The following GALNT15 variants were observed in gnomAD, a reference collection of about 807,000 sequenced individuals.
The protein encoded by GALNT15 is UDP-GalNAc transferase T15.
In GALNT15, 67 loss-of-function variants were observed where a neutral mutation model predicts 66.8. The observed-to-expected ratio is 1.00, with a 90% confidence interval of 0.82 to 1.23. The LOEUF is 1.23. GALNT15 is among the 50% of genes most tolerant of loss of function. GALNT15 has a pLI of 0.00. For missense variants in GALNT15, 827 were observed against 804.3 expected (o/e 1.03, Z -0.34); for synonymous variants, 313 against 311.5 (o/e 1.00, Z -0.05).
Position 16,200,813 on chromosome 3 carries a change from G to A in GALNT15, c.901G>A (p.Ala301Thr), listed in dbSNP as rs776794357. 8.1e-6 allele frequency: 13 copies of A among 1,605,170 alleles called. No individual in the cohort carries two copies. Among genetic ancestry groups the A allele is most frequent in the Non-Finnish European group, 1.0e-5 (12 of 1,176,508 alleles). The part of the protein sequence containing the change: ...GWLEPLLSRI[A>T]GDRSRVVSPV... ...GCTGGAGCCCCTCCTCAGCAGAATA[G>A]CTGGTGACAGGTAACTTATTCCCTG... is the stretch of plus-strand genomic sequence containing the variant. Residue 301 changes from alanine to threonine, a missense_variant, in exon 3 of 10, where the codon GCT becomes ACT. By Grantham distance (58) the Ala-to-Thr change is moderately conservative. Coordinates refer to ENST00000339732, the MANE Select transcript of GALNT15 (RefSeq NM_054110.5). The surrounding 1 kb of genome is among the most constrained non-coding windows in gnomAD (Gnocchi z 4.4).
chr3:16,240,389 C>T, the GALNT15 span, among the ~76,000 whole-genome samples: 2 of 152,186 alleles, frequency 1.3e-5, no homozygotes, highest in Admixed American at 6.5e-5. Flanking sequence ...ACTCATGAAT[C>T]AGAAAATTGC....
chr3:16,178,558 C>T (rs1019566455), intron 1 of GALNT15, among the ~76,000 whole-genome samples: 2 of 152,192 alleles, frequency 1.3e-5, no homozygotes, highest in African/African-American at 2.4e-5. Context: ...GCAGCCCAGG[C>T]CTTGGCTGCA....
downstream of GALNT15, chr3:16,232,115 A>C (rs1575004771): frequency 1.7e-6 from 1 of 593,870 alleles, no homozygotes. Flanking sequence ...AAATTCTCCA[A>C]CCCAAACCAT....
rs1404410545 is a variant in GALNT15, at chr3:16,176,079, T to G, written c.539+389T>G. ...TATTTCTATAACACAGAAGGGAGGT[T>G]AGAGCAGACATTTGCCAGTTCTAAC... On this transcript the variant is annotated intron_variant, in intron 1 of 9. Transcript: ENST00000339732. This position sits in a 1 kb window ranked among gnomAD's most constrained non-coding sequence, Gnocchi z 5.6. 6.8e-6 allele frequency among the ~76,000 whole-genome samples: 1 copy of G among 147,872 alleles called. No individual in the cohort carries two copies. Among genetic ancestry groups the G allele is most frequent in the Non-Finnish European group, 1.5e-5 (1 of 68,016 alleles).
At chr3:16,190,637 C>CAAAAAA (rs34205852) in intron 1 of GALNT15, among the ~76,000 whole-genome samples, 3 of 98,644 alleles carry the variant, frequency 3.0e-5, no homozygotes, top group Admixed American at 1.1e-4. Flanking sequence ...GACTCCGTAT[C>CAAAAAA]AAAAAAAAAA....
downstream of GALNT15, among the ~76,000 whole-genome samples, chr3:16,234,135 A>G (rs527970257): frequency 1.1e-4 from 17 of 152,312 alleles, no homozygotes; most frequent in African/African-American, 3.8e-4. Context: ...CTTAATCCTT[A>G]AGTCCTGCAG....
At chr3:16,247,721 T>G in the GALNT15 span, among the ~76,000 whole-genome samples, 2 of 152,258 alleles carry the variant, frequency 1.3e-5, no homozygotes. Context: ...TTTGTCTTCC[T>G]GTACTGGGAA....
Position 16,229,457 on chromosome 3 carries a change from T to G in GALNT15, c.*1957T>G, listed in dbSNP as rs1310913445. 1.9e-5 allele frequency: 19 copies of G among 976,666 alleles called. No individual in the cohort carries two copies. The highest frequency in any genetic ancestry group is 2.3e-5 in the Non-Finnish European group (19 of 822,090). 60.5% of individuals were successfully genotyped at this position (976,666 alleles called of 1,614,324 possible). On this transcript the variant is annotated 3_prime_UTR_variant, in exon 10 of 10. Transcript: ENST00000339732. Reference sequence around the variant, plus strand: ...ATGGATATAGAACATTTCATCACAGTTCTGTTGGACCAATCTAGATAGATT... The same window carrying G: ...ATGGATATAGAACATTTCATCACAGGTCTGTTGGACCAATCTAGATAGATT...
At chr3:16,245,697 G>A in the GALNT15 span, among the ~76,000 whole-genome samples, 2 of 152,338 alleles carry the variant, frequency 1.3e-5, no homozygotes, top group Middle Eastern at 3.4e-3. Flanking sequence ...CCAATCCATG[G>A]GAAGGGCAGG....
rs953147683 is a variant in GALNT15 at position 16,211,048 on chromosome 3, G to C, written c.1080-76G>C. On this transcript the variant is annotated intron_variant, in intron 4 of 9. Transcript: ENST00000339732. This position sits in a 1 kb window ranked among gnomAD's most constrained non-coding sequence, Gnocchi z 4.3. ...CTCAGCCACTGGAGCTCCCACCTGGGAAGCCCCAGCCCCCAGCCTCGCCTG... is the reference window on the plus strand; with the variant it reads ...CTCAGCCACTGGAGCTCCCACCTGGCAAGCCCCAGCCCCCAGCCTCGCCTG... 2.8e-6 allele frequency: 3 copies of C among 1,063,192 alleles called. No homozygotes were observed. The highest frequency in any genetic ancestry group is 1.8e-5 in the Admixed American group (1 of 54,452). 65.9% of individuals were successfully genotyped at this position (1,063,192 alleles called of 1,614,324 possible).
chr3:16,246,611 C>A, the GALNT15 span, among the ~76,000 whole-genome samples: 899 of 152,102 alleles, frequency 5.9e-3, 10 homozygotes, highest in African/African-American at 0.021. Context: ...CGTGAGCCAC[C>A]GCGCCCAGCC....
At chr3:16,216,498 C>T (rs949791139) in intron 6 of GALNT15, among the ~76,000 whole-genome samples, 14 of 31,396 alleles carry the variant, frequency 4.5e-4, no homozygotes, top group African/African-American at 3.9e-3. Flanking sequence ...GACTCTGTCT[C>T]GGGAAAAAAA....
At chr3:16,233,350 C>T (rs976080965), downstream of GALNT15, among the ~76,000 whole-genome samples, 2 of 151,944 alleles carry the variant, frequency 1.3e-5, no homozygotes, top group Non-Finnish European at 2.9e-5. Context: ...CCACCTCAGC[C>T]TCCCAAAGTG....
intron 3 of GALNT15, among the ~76,000 whole-genome samples, chr3:16,206,009 A>C (rs2063752683): frequency 6.6e-6 from 1 of 152,194 alleles, no homozygotes; most frequent in South Asian, 2.1e-4. Flanking sequence ...AGAAAGACAA[A>C]ACAAAAAGAG....
In GALNT15 at chr3:16,228,352, ACT is replaced by A; in HGVS notation, c.*856_*857del. The A allele has an allele frequency of 2.0e-6, 2 of 985,438 alleles. No homozygotes were observed. 61.0% of individuals were successfully genotyped at this position (985,438 alleles called of 1,614,324 possible). A position where few individuals can be genotyped will look rare whatever the true frequency, so the allele number is the denominator to read the frequency against. On this transcript the variant is annotated 3_prime_UTR_variant, in exon 10 of 10. Transcript: ENST00000339732. ...TAACAAAGGTGTTCACAGTTGAGAA[ACT>A]CTCCTGCCGGGCGCGGTGGCTCATG...
At chr3:16,241,870 A>G in the GALNT15 span, among the ~76,000 whole-genome samples, 1 of 152,176 alleles carries the variant, frequency 6.6e-6, no homozygotes, top group Non-Finnish European at 1.5e-5. This position sits in a 1 kb window ranked among gnomAD's most constrained non-coding sequence, Gnocchi z 4.6. Context: ...ATTATGGCTC[A>G]TGATCAACTA....
rs750233423 is a variant in GALNT15 at position 16,208,547 on chromosome 3, C to G, written c.956C>G (p.Thr319Ser). 6.2e-7 allele frequency: 1 copy of G among 1,614,136 alleles called. No individual in the cohort carries two copies. The highest frequency in any genetic ancestry group is 8.5e-7 in the Non-Finnish European group (1 of 1,179,992). ...SPVIDVIDWK[T>S]FQYYPSKDLQ... ...GTGATAGATGTGATTGACTGGAAGACTTTCCAGTATTACCCCTCAAAGGAC... is the reference window on the plus strand; with the variant it reads ...GTGATAGATGTGATTGACTGGAAGAGTTTCCAGTATTACCCCTCAAAGGAC... Residue 319 changes from threonine to serine, a missense_variant, in exon 4 of 10, where the codon ACT becomes AGT. By Grantham distance (58) the Thr-to-Ser change is moderately conservative (BLOSUM62 1). Coordinates refer to ENST00000339732, the MANE Select transcript of GALNT15 (RefSeq NM_054110.5).
Position 16,191,317 on chromosome 3 carries a change from G to A in GALNT15, c.540-4443G>A, listed in dbSNP as rs1300825459. On this transcript the variant is annotated intron_variant, in intron 1 of 9. Transcript: ENST00000339732. The surrounding 1 kb of genome is among the most constrained non-coding windows in gnomAD (Gnocchi z 5.2). ...CTTTCAAGGCTGGAAGAGCCTGAGA[G>A]GTACCTCTTGTAGTAATGGGACATC... 4 of 985,180 alleles carry A rather than the reference G, an allele frequency of 4.1e-6. No individual in the cohort carries two copies. Among genetic ancestry groups the A allele is most frequent in the African/African-American group, 1.7e-5 (1 of 57,350 alleles). The allele number at this position is 985,180 out of a possible 1,614,324, so 61.0% of individuals were successfully genotyped here. A position where few individuals can be genotyped will look rare whatever the true frequency, so the allele number is the denominator to read the frequency against.
In GALNT15 at chr3:16,220,000, A is replaced by C. The variant is rs772187179; in HGVS notation, c.1615A>C (p.Ser539Arg). Residue 539 changes from serine (S) to arginine (R), a missense_variant, in exon 8 of 10, where the codon AGC becomes CGC. By Grantham distance (110) the Ser-to-Arg change is moderately radical. Coordinates refer to ENST00000339732, the MANE Select transcript of GALNT15 (RefSeq NM_054110.5). This position sits in a 1 kb window ranked among gnomAD's most constrained non-coding sequence, Gnocchi z 4.3. Reference sequence around the variant, plus strand: ...CATGGTGTTGGCTCCTTGCAGTGACAGCCGGCAGCAACAGGTGGGTAGTCA... The same window carrying C: ...CATGGTGTTGGCTCCTTGCAGTGACCGCCGGCAGCAACAGGTGGGTAGTCA... ...CPMVLAPCSD[S>R]RQQQYLQHTS... is the part of the protein sequence containing the mutation. The C allele has an allele frequency of 6.2e-7, 1 of 1,613,898 alleles. No homozygotes were observed. The highest frequency in any genetic ancestry group is 2.2e-5 in the East Asian group (1 of 44,884).
Sources: allele counts gnomAD v4.1 joint callset (sites outside exome capture counted in the v4.1 genomes callset), GRCh38; gene constraint gnomAD v4.1.1; non-coding constraint Gnocchi (gnomAD v3.1); transcripts MANE v1.5; gene names NCBI Gene and HGNC (gene_info 2026-07-23, HGNC 2026-07-21).